The following ASCC3 variants were observed in gnomAD, a reference collection of about 807,000 sequenced individuals.
ASCC3 encodes activating signal cointegrator 1 complex subunit 3.
In ASCC3, 158 loss-of-function variants were observed where a neutral mutation model predicts 256.3. The observed-to-expected ratio is 0.62, with a 90% CI of 0.54 to 0.70. The LOEUF (loss-of-function observed/expected upper bound fraction) is 0.70. Among genes scored for constraint, ASCC3 ranks in the 30% least tolerant of loss-of-function variants. The pLI, the probability that ASCC3 is intolerant of heterozygous loss-of-function variation, is 0.00. For synonymous variants in ASCC3, 948 were observed against 883.4 expected, an observed-to-expected ratio of 1.07 and a Z score of -1.30; for missense variants, 2,259 against 2,626.0, an observed-to-expected ratio of 0.86 and a Z score of 3.05.
At chr6:100,789,245 C>T (rs1769234264) in intron 8 of ASCC3, among the ~76,000 whole-genome samples, 3 of 151,844 alleles carry the variant, frequency 2.0e-5, no homozygotes, top group Non-Finnish European at 4.4e-5. Context: ...TGCTTCTCTA[C>T]ATGAGATCTG....
chr6:100,525,404 C>G (rs1774531239), intron 37 of ASCC3, among the ~76,000 whole-genome samples: 1 of 151,504 alleles, frequency 6.6e-6, no homozygotes, highest in Admixed American at 6.6e-5. Flanking sequence ...ATGGAAAGAT[C>G]ATCAAAAACA....
chr6:100,629,667 G>C (rs937082343), intron 26 of ASCC3, among the ~76,000 whole-genome samples: 6 of 152,030 alleles, frequency 3.9e-5, no homozygotes, highest in Admixed American at 3.9e-4. Context: ...TCTTTCCTTA[G>C]ATTGGAATTT....
At chr6:100,861,051 C>G (rs946284990) in intron 3 of ASCC3, among the ~76,000 whole-genome samples, 2 of 152,030 alleles carry the variant, frequency 1.3e-5, no homozygotes, top group African/African-American at 4.8e-5. Context: ...GTAGTTCAGA[C>G]AGGAGGTGGT....
intron 37 of ASCC3, among the ~76,000 whole-genome samples, chr6:100,526,473 C>T (rs1193546030): frequency 6.6e-6 from 1 of 152,106 alleles, no homozygotes; most frequent in Non-Finnish European, 1.5e-5. Context: ...TAAAGTCACC[C>T]AGAGGGAAAA....
At chr6:100,731,749 C>A (rs970037843) in intron 10 of ASCC3, among the ~76,000 whole-genome samples, 5 of 152,092 alleles carry the variant, frequency 3.3e-5, no homozygotes, top group African/African-American at 1.2e-4. Flanking sequence ...GAAAGCAAAA[C>A]CAAACCAAAC....
chr6:100,726,762 T>C (rs1211278596), intron 10 of ASCC3, among the ~76,000 whole-genome samples: 1 of 152,058 alleles, frequency 6.6e-6, no homozygotes, highest in Non-Finnish European at 1.5e-5. Flanking sequence ...TCACATTTGC[T>C]TAATGATTTG....
chr6:100,800,188 G>T (rs953728013), intron 6 of ASCC3, 112 bp downstream of exon 6: 5 of 1,146,638 alleles, frequency 4.4e-6, no homozygotes, highest in East Asian at 4.8e-5. Context: ...TGAAGAAAAC[G>T]TGACTTGAAG....
intron 13 of ASCC3, among the ~76,000 whole-genome samples, chr6:100,682,069 T>G (rs371521457): frequency 6.6e-6 from 1 of 152,166 alleles, no homozygotes; most frequent in East Asian, 1.9e-4. Flanking sequence ...TTGCAAATGG[T>G]AGGGACATTT....
rs547954539 is a variant in ASCC3, at chr6:100,750,467, C to G, written c.1737+16098G>C. Among the ~76,000 whole-genome samples the G allele has an allele frequency of 4.6e-5, 7 of 151,986 alleles. No homozygotes were observed. The East Asian group carries it at 1.4e-3, about 29-fold the overall frequency. On this transcript the variant is annotated intron_variant, in intron 10 of 41. Coordinates refer to ENST00000369162, the MANE Select transcript of ASCC3 (RefSeq NM_006828.4). ...TGATTGTTTAAAGAGTGAATTATGTCTGCCAAGACAATATAGTTTTCCTGG... is the reference window on the plus strand; with the variant it reads ...TGATTGTTTAAAGAGTGAATTATGTGTGCCAAGACAATATAGTTTTCCTGG...
At chr6:100,618,623 A>G (rs1384910612) in intron 30 of ASCC3, among the ~76,000 whole-genome samples, 1 of 152,184 alleles carries the variant, frequency 6.6e-6, no homozygotes, top group Non-Finnish European at 1.5e-5. Flanking sequence ...AGGCCCAGCT[A>G]TTGCTACTGC....
chr6:100,768,054 T>C (rs1483117872), intron 8 of ASCC3, among the ~76,000 whole-genome samples: 2 of 152,174 alleles, frequency 1.3e-5, no homozygotes, highest in African/African-American at 4.8e-5. Context: ...AGATGATTAA[T>C]GAAACAGCAA....
chr6:100,816,772 G>C (rs1462216873), intron 4 of ASCC3, among the ~76,000 whole-genome samples: 2 of 152,066 alleles, frequency 1.3e-5, no homozygotes, highest in Non-Finnish European at 2.9e-5. Context: ...GGTGGGAGGA[G>C]AGAGAAAATC....
At chr6:100,715,873 T>C (rs752837032) in intron 12 of ASCC3, among the ~76,000 whole-genome samples, 1 of 151,828 alleles carries the variant, frequency 6.6e-6, no homozygotes, top group Non-Finnish European at 1.5e-5. Flanking sequence ...GAGAAGCCCA[T>C]TCTCCAGGCT....
intron 14 of ASCC3, among the ~76,000 whole-genome samples, chr6:100,670,258 C>A (rs1294514012): frequency 6.6e-6 from 1 of 151,702 alleles, no homozygotes; most frequent in Non-Finnish European, 1.5e-5. Context: ...TTAACACTAC[C>A]CAGTGCTGGC....
At chr6:100,620,223 C>CA (rs1052167856) in intron 30 of ASCC3, among the ~76,000 whole-genome samples, 7 of 152,050 alleles carry the variant, frequency 4.6e-5, no homozygotes, top group Admixed American at 4.6e-4. Flanking sequence ...GAGAATGATG[C>CA]AAAGACCTAA....
rs546559353 is a variant in ASCC3 at position 100,632,208 on chromosome 6, C to G, written c.4123-995G>C. Among the ~76,000 whole-genome samples, 548 of 122,518 alleles carry G rather than the reference C, an allele frequency of 4.5e-3. 4 individuals carry two copies. The highest frequency in any genetic ancestry group is 0.016 in the African/African-American group (520 of 32,444). 80.4% of individuals were successfully genotyped at this position (122,518 alleles called of 152,430 possible). ...AAAAAAAAAAAAAAAAAAAAGAAGA[C>G]AGTCCCACTTACAATAGCACCAGAA... On this transcript the variant is annotated intron_variant, in intron 25 of 41. Coordinates refer to ENST00000369162, the MANE Select transcript of ASCC3 (RefSeq NM_006828.4).
chr6:100,548,602 C>T (rs917513911), intron 36 of ASCC3, among the ~76,000 whole-genome samples: 17 of 151,834 alleles, frequency 1.1e-4, no homozygotes, highest in East Asian at 3.9e-4. Flanking sequence ...CATATATAAA[C>T]GCAAATTTGA....
At chr6:100,610,429 AATTTTCTAAGTTTTTTTT>A (rs1272238684) in intron 30 of ASCC3, among the ~76,000 whole-genome samples, 3 of 151,968 alleles carry the variant, frequency 2.0e-5, no homozygotes, top group African/African-American at 7.3e-5. Flanking sequence ...TAGTCAGAAA[AATTTTCTAAGTTTTTTTT>A]TAATGTGGAA....
chr6:100,615,351 C>T (rs1051549977), intron 30 of ASCC3, among the ~76,000 whole-genome samples: 1 of 151,248 alleles, frequency 6.6e-6, no homozygotes, highest in Admixed American at 6.6e-5. Flanking sequence ...ACTTTTCCAT[C>T]TTTTCTATTC....
Sources: allele counts gnomAD v4.1 joint callset (sites outside exome capture counted in the v4.1 genomes callset), GRCh38; gene constraint gnomAD v4.1.1; transcripts MANE v1.5; gene names NCBI Gene and HGNC (gene_info 2026-07-23, HGNC 2026-07-21).